HACE1: variants seen among roughly 807,000 people sequenced by gnomAD.
The protein encoded by HACE1 is E3 ubiquitin-protein ligase HACE1.
In HACE1, 73 loss-of-function variants were observed where a neutral mutation model predicts 118.4. That is an observed-to-expected ratio of 0.62 (90% CI 0.51 to 0.75). HACE1 has a LOEUF of 0.75. Among genes scored for constraint, HACE1 ranks in the 30% least tolerant of loss-of-function variants. The pLI, the probability that HACE1 is intolerant of heterozygous loss-of-function variation, is 0.00. For missense variants in HACE1, 749 were observed against 1,102.2 expected, an observed-to-expected ratio of 0.68 and a Z score of 4.54; for synonymous variants, 368 against 374.8, an observed-to-expected ratio of 0.98 and a Z score of 0.21.
intron 10 of HACE1, among the ~76,000 whole-genome samples, chr6:104,793,240 C>G (rs1300238170): frequency 7.1e-6 from 1 of 140,926 alleles, no homozygotes; most frequent in African/African-American, 2.7e-5. Flanking sequence ...GCACTCCAGC[C>G]TGGGCGATAG....
chr6:104,729,699 GC>G lies in HACE1; in HGVS notation c.2692del (p.Ala898HisfsTer42). On this transcript the variant is annotated frameshift_variant, in exon 24 of 24. Coordinates refer to ENST00000262903, the MANE Select transcript of HACE1 (RefSeq NM_020771.4). LOFTEE classifies it high-confidence loss of function. Reference protein sequence around the residue: ...KEILKDRLLVALHCGSYGYTM... With the variant: ...KEILKDRLLVXLHCGSYGYTM... ...GTAACCATAGCTGCCACAATGTAGTGCCACAAGAAGTCTGTCCTTGAGTATT... is the reference window on the plus strand; with the variant it reads ...GTAACCATAGCTGCCACAATGTAGTGCACAAGAAGTCTGTCCTTGAGTATT... 1 of 1,584,484 alleles carries G rather than the reference GC, an allele frequency of 6.3e-7. No individual in the cohort carries two copies. The highest frequency in any genetic ancestry group is 8.7e-7 in the Non-Finnish European group (1 of 1,153,242).
At chr6:104,843,835 A>G (rs1426675488) in intron 4 of HACE1, among the ~76,000 whole-genome samples, 2 of 151,338 alleles carry the variant, frequency 1.3e-5, no homozygotes, top group Non-Finnish European at 2.9e-5. Context: ...AGTTATTTGT[A>G]TTGTGGTAAA....
In HACE1 at chr6:104,784,498, A is replaced by G. The variant is rs776624383; in HGVS notation, c.1410-13T>C. The G allele has an allele frequency of 2.1e-5, 34 of 1,588,332 alleles. No individual in the cohort carries two copies. The highest frequency in any genetic ancestry group is 2.9e-5 in the Non-Finnish European group (33 of 1,156,624). The stretch of plus-strand genomic sequence containing the variant: ...AGGTGAAGTCATTCTGTGGGGGGAA[A>G]ACATCAATCAGAATACACAGGCAAA... On this transcript the variant is annotated splice_polypyrimidine_tract_variant and intron_variant, in intron 12 of 23. Coordinates refer to ENST00000262903, the MANE Select transcript of HACE1 (RefSeq NM_020771.4).
chr6:104,852,228 T>TGTGTGTGTGTGTGTGTGTGTGCGC (rs142463116), intron 2 of HACE1, 89 bp downstream of exon 2: 1 of 612,022 alleles, frequency 1.6e-6, no homozygotes, highest in African/African-American at 2.6e-5. Flanking sequence ...TGTGTGTGTG[T>TGTGTGTGTGTGTGTGTGTGTGCGC]GCGCGCGTGC....
At chr6:104,772,988 C>T (rs1317804621) in intron 17 of HACE1, among the ~76,000 whole-genome samples, 1 of 150,188 alleles carries the variant, frequency 6.7e-6, no homozygotes, top group African/African-American at 2.5e-5. Context: ...TGTACACTTT[C>T]AATAATATAA....
At chr6:104,856,094 A>G (rs1776690485) in intron 1 of HACE1, among the ~76,000 whole-genome samples, 1 of 152,198 alleles carries the variant, frequency 6.6e-6, no homozygotes, top group Admixed American at 6.5e-5. Flanking sequence ...TTGTTGCCAG[A>G]TACTTCCTTG....
intron 20 of HACE1, among the ~76,000 whole-genome samples, chr6:104,746,332 A>T (rs1019727666): frequency 5.9e-5 from 9 of 152,204 alleles, no homozygotes; most frequent in African/African-American, 2.2e-4. Flanking sequence ...CTTTTCCTAG[A>T]TGAAGACAGT....
At chr6:104,847,921 G>A (rs1361577146) in intron 4 of HACE1, among the ~76,000 whole-genome samples, 1 of 151,822 alleles carries the variant, frequency 6.6e-6, no homozygotes, top group African/African-American at 2.4e-5. Context: ...GGGCACTCAA[G>A]CGACTGTCAT....
rs1277990642 is a variant in HACE1 at position 104,791,562 on chromosome 6, C to A, written c.1016G>T (p.Ser339Ile). The A allele has an allele frequency of 1.9e-6, 3 of 1,612,374 alleles. No homozygotes were observed. The highest frequency in any genetic ancestry group is 2.7e-5 in the African/African-American group (2 of 74,888). Residue 339 changes from serine to isoleucine, a missense_variant, in exon 11 of 24, where the codon AGT (serine) becomes ATT (isoleucine). Coordinates refer to ENST00000262903, the MANE Select transcript of HACE1 (RefSeq NM_020771.4). Reference sequence around the variant, plus strand: ...ATTGTAGCCCATATCAATTCCATTACTGGGGGAGGATGGACCAATTCGAAA... The same window carrying A: ...ATTGTAGCCCATATCAATTCCATTAATGGGGGAGGATGGACCAATTCGAAA... ...HVFRIGPSSP[S>I]NGIDMGYNGN...
At position 104,849,255 on chromosome 6, in the gene HACE1, A is replaced by T; in HGVS notation, c.222-9T>A. The T allele has an allele frequency of 6.7e-7, 1 of 1,503,024 alleles. No individual in the cohort carries two copies. The highest frequency in any genetic ancestry group is 9.3e-7 in the Non-Finnish European group (1 of 1,078,752). 93.1% of individuals were successfully genotyped at this position (1,503,024 alleles called of 1,614,324 possible). On this transcript the variant is annotated splice_polypyrimidine_tract_variant and intron_variant, in intron 3 of 23. Coordinates refer to ENST00000262903, the MANE Select transcript of HACE1 (RefSeq NM_020771.4). ...ATTCCACCGATCCACAACTAAAACA[A>T]TATTAAAAGACAGTTCAGATACATT...
Position 104,850,599 on chromosome 6 carries a change from A to C in HACE1, c.221+308T>G, listed in dbSNP as rs568923954. On this transcript the variant is annotated intron_variant, in intron 3 of 23. Coordinates refer to ENST00000262903, the MANE Select transcript of HACE1 (RefSeq NM_020771.4). ...CTGCAGACAGCATATAAAATCTCAT[A>C]TTGCTGGGATAAAAAGAAAATTTTG... Among the ~76,000 whole-genome samples, 6 of 152,332 alleles carry C rather than the reference A, an allele frequency of 3.9e-5. No homozygotes were observed. In the East Asian group the frequency reaches 1.2e-3, roughly 29 times the overall value.
At chr6:104,737,042 G>C (rs1318835435) in intron 22 of HACE1, among the ~76,000 whole-genome samples, 1 of 151,790 alleles carries the variant, frequency 6.6e-6, no homozygotes. Context: ...CTAGCACTTT[G>C]GGAGGCCGAG....
chr6:104,751,955 C>A (rs78335036), intron 19 of HACE1, among the ~76,000 whole-genome samples: 232 of 125,014 alleles, frequency 1.9e-3, no homozygotes, highest in East Asian at 2.2e-3. Context: ...AAAAACCAAA[C>A]AAAAAAAAAA....
At chr6:104,788,714 C>G (rs1451194406) in intron 11 of HACE1, among the ~76,000 whole-genome samples, 1 of 152,114 alleles carries the variant, frequency 6.6e-6, no homozygotes, top group African/African-American at 2.4e-5. Flanking sequence ...CCTAAATTGT[C>G]TTCCCCATGT....
intron 22 of HACE1, among the ~76,000 whole-genome samples, chr6:104,741,423 C>T (rs1407206613): frequency 6.6e-6 from 1 of 151,460 alleles, no homozygotes; most frequent in South Asian, 2.1e-4. Flanking sequence ...ATTGTATCAG[C>T]CCCAAATCTC....
At chr6:104,818,146 ACT>A (rs1772308219) in intron 6 of HACE1, among the ~76,000 whole-genome samples, 1 of 152,196 alleles carries the variant, frequency 6.6e-6, no homozygotes. Context: ...TAATAAAAAC[ACT>A]GTTATATAAA....
intron 4 of HACE1, among the ~76,000 whole-genome samples, chr6:104,843,560 T>C (rs953997380): frequency 2.0e-5 from 3 of 152,164 alleles, no homozygotes; most frequent in Admixed American, 2.0e-4. Context: ...ACATTCAAAC[T>C]GTAGAGAAGT....
At chr6:104,754,883 C>T (rs1402360840) in intron 19 of HACE1, among the ~76,000 whole-genome samples, 1 of 152,112 alleles carries the variant, frequency 6.6e-6, no homozygotes, top group African/African-American at 2.4e-5. Context: ...ATAAACCAAG[C>T]CTGCAAAATA....
At chr6:104,764,507 A>C (rs978266294) in intron 19 of HACE1, among the ~76,000 whole-genome samples, 10 of 152,378 alleles carry the variant, frequency 6.6e-5, no homozygotes, top group African/African-American at 2.2e-4. Context: ...TGCCTCATTA[A>C]CAATGGTGTT....
Sources: gnomAD v4.1 joint callset for allele counts (sites outside exome capture counted in the v4.1 genomes callset) on GRCh38, gnomAD v4.1.1 for gene constraint, MANE v1.5 for transcripts, NCBI Gene and HGNC (gene_info 2026-07-23, HGNC 2026-07-21) for gene names.